Variants in TACR1 observed in about 807,000 individuals in gnomAD.
The protein encoded by TACR1 is substance-P receptor.
Under a neutral mutation model 35.8 loss-of-function variants are expected in TACR1, and 25 were observed. The observed-to-expected ratio is 0.70, with a 90% CI of 0.51 to 0.98. The LOEUF is 0.98. TACR1 is among the 50% of genes least tolerant of loss of function. TACR1 has a pLI of 0.00. For synonymous variants in TACR1, 195 were observed against 206.7 expected (o/e 0.94, Z 0.48); for missense variants, 478 against 522.9 (o/e 0.91, Z 0.84).
intron 2 of TACR1, among the ~76,000 whole-genome samples, chr2:75,112,168 G>C (rs539882477): frequency 6.6e-6 from 1 of 151,736 alleles, no homozygotes; most frequent in Admixed American, 6.6e-5. Flanking sequence ...AATTTTATAC[G>C]TTTGAGTTTT....
chr2:75,098,966 G>A (rs991684132), intron 2 of TACR1, among the ~76,000 whole-genome samples: 2 of 151,482 alleles, frequency 1.3e-5, no homozygotes, highest in Non-Finnish European at 2.9e-5. Context: ...GAACCAGCAG[G>A]TGGAGTGAGG....
intron 3 of TACR1, 97 bp from the exon 4 acceptor site, chr2:75,051,544 G>A (rs990454151): frequency 1.3e-6 from 2 of 1,544,654 alleles, no homozygotes; most frequent in African/African-American, 1.4e-5. Flanking sequence ...CACAGTATGG[G>A]ATGAAGCGAG....
At chr2:75,095,498 C>T (rs750187380) in intron 2 of TACR1, among the ~76,000 whole-genome samples, 4 of 151,932 alleles carry the variant, frequency 2.6e-5, no homozygotes, top group Admixed American at 6.6e-5. Context: ...GGAGGGAGGG[C>T]GTTTCGAGAG....
At chr2:75,085,314 GA>G (rs1673170124) in intron 2 of TACR1, among the ~76,000 whole-genome samples, 1 of 151,902 alleles carries the variant, frequency 6.6e-6, no homozygotes, top group Non-Finnish European at 1.5e-5. Flanking sequence ...ACCCAGCCCA[GA>G]ACTCCTTGGG....
intron 1 of TACR1, among the ~76,000 whole-genome samples, chr2:75,175,751 C>A (rs901541260): frequency 1.3e-5 from 2 of 152,138 alleles, no homozygotes; most frequent in African/African-American, 4.8e-5. Flanking sequence ...TTAATCACAT[C>A]TGTAAAGTCC....
At chr2:75,167,268 G>C (rs562958219) in intron 1 of TACR1, among the ~76,000 whole-genome samples, 1 of 152,228 alleles carries the variant, frequency 6.6e-6, no homozygotes, top group South Asian at 2.1e-4. Flanking sequence ...AATTCTTCTT[G>C]GACCATGACT....
intron 2 of TACR1, among the ~76,000 whole-genome samples, chr2:75,093,367 G>A (rs1206116771): frequency 6.6e-6 from 1 of 152,234 alleles, no homozygotes; most frequent in African/African-American, 2.4e-5. Flanking sequence ...AGGCTTGTCA[G>A]TGACAGCTGT....
chr2:75,096,649 A>G (rs1395427338), intron 2 of TACR1, among the ~76,000 whole-genome samples: 2 of 152,150 alleles, frequency 1.3e-5, no homozygotes, highest in Admixed American at 1.3e-4. Flanking sequence ...GTTATCATGA[A>G]TGCATAGCTG....
intron 2 of TACR1, among the ~76,000 whole-genome samples, chr2:75,107,299 T>G (rs1488237492): frequency 6.6e-6 from 1 of 152,016 alleles, no homozygotes; most frequent in South Asian, 2.1e-4. Flanking sequence ...GGTATCACTC[T>G]CACTCTATGA....
At chr2:75,110,622 AAATAATATTATGATC>A (rs1374997277) in intron 2 of TACR1, among the ~76,000 whole-genome samples, 1 of 151,952 alleles carries the variant, frequency 6.6e-6, no homozygotes, top group East Asian at 1.9e-4. Flanking sequence ...ATATTATGAT[AAATAATATTATGATC>A]ATAATATATG....
At chr2:75,107,367 T>G (rs747352971) in intron 2 of TACR1, among the ~76,000 whole-genome samples, 6 of 151,990 alleles carry the variant, frequency 3.9e-5, no homozygotes, top group Non-Finnish European at 8.8e-5. Context: ...AATAAGATGA[T>G]TCACTAACCA....
chr2:75,097,829 A>T (rs1233897246), intron 2 of TACR1, among the ~76,000 whole-genome samples: 2 of 152,202 alleles, frequency 1.3e-5, no homozygotes, highest in African/African-American at 4.8e-5. Flanking sequence ...TGGTCTCTCC[A>T]ATCCTTACCT....
intron 1 of TACR1, among the ~76,000 whole-genome samples, chr2:75,137,173 A>T (rs3771830): frequency 0.67 from 101,292 of 151,934 alleles, 35,063 homozygotes; most frequent in African/African-American, 0.84. Flanking sequence ...TTGAAGGCTG[A>T]TTGTTTCAGT....
At chr2:75,151,633 C>T (rs551638474) in intron 1 of TACR1, among the ~76,000 whole-genome samples, 4 of 152,312 alleles carry the variant, frequency 2.6e-5, no homozygotes, top group African/African-American at 7.2e-5. Context: ...TCTGCTAGGG[C>T]AGTGTGGAAG....
At chr2:75,102,666 G>GA (rs1026779306) in intron 2 of TACR1, among the ~76,000 whole-genome samples, 6 of 151,526 alleles carry the variant, frequency 4.0e-5, no homozygotes, top group African/African-American at 9.7e-5. Flanking sequence ...GAGCTTAAAA[G>GA]AAAAAAAATT....
intron 2 of TACR1, among the ~76,000 whole-genome samples, chr2:75,062,131 G>A (rs932096729): frequency 2.6e-5 from 4 of 151,956 alleles, no homozygotes; most frequent in Non-Finnish European, 5.9e-5. Context: ...TGTTGACAGC[G>A]TCCTCCTCAG....
At chr2:75,066,793 A>G (rs574647390) in intron 2 of TACR1, among the ~76,000 whole-genome samples, 3 of 152,360 alleles carry the variant, frequency 2.0e-5, no homozygotes, top group African/African-American at 7.2e-5. Context: ...TGGGCAATGC[A>G]ATTTATGTGT....
At chr2:75,078,258 C>A (rs190234796) in intron 2 of TACR1, among the ~76,000 whole-genome samples, 36 of 151,520 alleles carry the variant, frequency 2.4e-4, no homozygotes, top group Non-Finnish European at 4.4e-5. Context: ...GGGCTCTTGT[C>A]TCTTTTGAAC....
At chr2:75,183,701 G>C (rs1364883774) in intron 1 of TACR1, among the ~76,000 whole-genome samples, 1 of 152,182 alleles carries the variant, frequency 6.6e-6, no homozygotes, top group Non-Finnish European at 1.5e-5. Context: ...GGAGTACACG[G>C]CTGGGTTTCT....
Sources: allele counts gnomAD v4.1 joint callset (sites outside exome capture counted in the v4.1 genomes callset), GRCh38; gene constraint gnomAD v4.1.1; transcripts MANE v1.5; gene names NCBI Gene and HGNC (gene_info 2026-07-23, HGNC 2026-07-21).